SUPT3H: variants seen among roughly 807,000 people sequenced by gnomAD.
The protein encoded by SUPT3H is transcription initiation protein SPT3 homolog.
SUPT3H carries 44 observed loss-of-function variants against 44.3 expected under a neutral mutation model. That is an observed-to-expected ratio of 0.99 (90% CI 0.78 to 1.28). SUPT3H has a LOEUF of 1.28. Among genes scored for constraint, SUPT3H ranks in the 50% most tolerant of loss-of-function variants. SUPT3H has a pLI of 0.00. For synonymous variants in SUPT3H, 124 were observed against 125.6 expected (o/e 0.99, Z 0.09); for missense variants, 380 against 387.1 (o/e 0.98, Z 0.15).
At chr6:45,132,859 GTATTA>G (rs1294506888) in intron 2 of SUPT3H, among the ~76,000 whole-genome samples, 1 of 152,020 alleles carries the variant, frequency 6.6e-6, no homozygotes, top group Non-Finnish European at 1.5e-5. Context: ...ACATAAAATG[GTATTA>G]TTATCACCCC....
chr6:44,906,136 C>T (rs142243292), intron 10 of SUPT3H, among the ~76,000 whole-genome samples: 62 of 152,272 alleles, frequency 4.1e-4, no homozygotes, highest in African/African-American at 1.4e-3. Flanking sequence ...AACTAACCTG[C>T]ACATTGTGCA....
intron 3 of SUPT3H, among the ~76,000 whole-genome samples, chr6:45,089,302 T>C (rs758922733): frequency 1.5e-4 from 23 of 152,214 alleles, no homozygotes; most frequent in Non-Finnish European, 2.8e-4. Context: ...ATATGTTACA[T>C]TTCTTATTTC....
At chr6:44,877,946 G>A (rs1336784262) in intron 10 of SUPT3H, among the ~76,000 whole-genome samples, 2 of 152,120 alleles carry the variant, frequency 1.3e-5, no homozygotes, top group African/African-American at 4.8e-5. Context: ...ACCTGATCCT[G>A]TTTGTAAATT....
intron 2 of SUPT3H, among the ~76,000 whole-genome samples, chr6:45,254,641 G>A (rs1397278407): frequency 2.6e-5 from 4 of 152,074 alleles, no homozygotes; most frequent in Admixed American, 2.0e-4. Flanking sequence ...AACAGAAAAC[G>A]CTGAATCACA....
At chr6:45,219,384 G>A (rs914139591) in intron 2 of SUPT3H, among the ~76,000 whole-genome samples, 3 of 150,200 alleles carry the variant, frequency 2.0e-5, no homozygotes, top group African/African-American at 7.3e-5. Flanking sequence ...CAAACGCCAG[G>A]AATGAAAAAC....
At chr6:44,810,119 C>A (rs1394121793) in intron 11 of SUPT3H, among the ~76,000 whole-genome samples, 1 of 152,100 alleles carries the variant, frequency 6.6e-6, no homozygotes, top group Non-Finnish European at 1.5e-5. Context: ...CATCTAAATG[C>A]CTGACTCCAG....
intron 2 of SUPT3H, among the ~76,000 whole-genome samples, chr6:45,309,700 C>A (rs566372887): frequency 6.6e-6 from 1 of 151,920 alleles, no homozygotes; most frequent in East Asian, 1.9e-4. Flanking sequence ...TATATTATAA[C>A]CAAACTGTCA....
At chr6:44,819,434 C>T (rs943039717) in intron 11 of SUPT3H, among the ~76,000 whole-genome samples, 2 of 151,214 alleles carry the variant, frequency 1.3e-5, no homozygotes, top group African/African-American at 4.9e-5. Flanking sequence ...CTAAATTGTG[C>T]TGTACATATA....
At chr6:44,881,312 G>A (rs1256150419) in intron 10 of SUPT3H, among the ~76,000 whole-genome samples, 1 of 152,146 alleles carries the variant, frequency 6.6e-6, no homozygotes, top group African/African-American at 2.4e-5. Context: ...TAATGGTAAA[G>A]GGATCAATGC....
intron 10 of SUPT3H, among the ~76,000 whole-genome samples, chr6:44,878,716 T>C (rs1777706862): frequency 6.6e-6 from 1 of 152,090 alleles, no homozygotes; most frequent in Admixed American, 6.5e-5. Context: ...CATTTCCAGC[T>C]GAGGTACCCA....
intron 3 of SUPT3H, among the ~76,000 whole-genome samples, chr6:45,084,583 G>C (rs1419014976): frequency 6.6e-6 from 1 of 152,122 alleles, no homozygotes; most frequent in African/African-American, 2.4e-5. Flanking sequence ...TAAAACAGAA[G>C]TATCATCTGA....
chr6:44,962,842 C>T (rs1483505184), intron 6 of SUPT3H, among the ~76,000 whole-genome samples: 3 of 151,836 alleles, frequency 2.0e-5, no homozygotes, highest in Non-Finnish European at 1.5e-5. Context: ...TAGTCACTAC[C>T]GTGGTTCCTT....
At chr6:45,283,275 A>G (rs1778530614) in intron 2 of SUPT3H, among the ~76,000 whole-genome samples, 1 of 152,234 alleles carries the variant, frequency 6.6e-6, no homozygotes, top group Non-Finnish European at 1.5e-5. Flanking sequence ...GCTCCAATTA[A>G]AAGACACACA....
intron 2 of SUPT3H, among the ~76,000 whole-genome samples, chr6:45,308,670 A>G (rs939068369): frequency 1.3e-5 from 2 of 152,110 alleles, no homozygotes; most frequent in Admixed American, 6.5e-5. Context: ...GCAGTACACC[A>G]ACATGGCACA....
At chr6:44,968,431 G>A (rs1450185489) in intron 6 of SUPT3H, among the ~76,000 whole-genome samples, 2 of 152,152 alleles carry the variant, frequency 1.3e-5, no homozygotes, top group Non-Finnish European at 2.9e-5. Flanking sequence ...TAAAGAAGCT[G>A]AGGTCCAGAA....
chr6:45,022,820 C>T (rs1334160187), intron 3 of SUPT3H, among the ~76,000 whole-genome samples: 1 of 152,034 alleles, frequency 6.6e-6, no homozygotes, highest in East Asian at 1.9e-4. Flanking sequence ...CCAAAATACT[C>T]AAGTCCTGCA....
At chr6:45,231,772 C>T (rs1768103641) in intron 2 of SUPT3H, among the ~76,000 whole-genome samples, 1 of 152,158 alleles carries the variant, frequency 6.6e-6, no homozygotes, top group African/African-American at 2.4e-5. Context: ...ATCATGAACA[C>T]TTTGTTCATC....
At chr6:45,212,969 C>T (rs1764381727) in intron 2 of SUPT3H, among the ~76,000 whole-genome samples, 1 of 152,110 alleles carries the variant, frequency 6.6e-6, no homozygotes, top group African/African-American at 2.4e-5. Flanking sequence ...CAAAACATGC[C>T]ACAATCAGCA....
chr6:44,815,833 A>C (rs768167893), intron 11 of SUPT3H, among the ~76,000 whole-genome samples: 2 of 151,868 alleles, frequency 1.3e-5, no homozygotes, highest in Non-Finnish European at 2.9e-5. Context: ...TGCAAAAGTA[A>C]TCATGGTTTT....
Sources: gnomAD v4.1 joint callset for allele counts (sites outside exome capture counted in the v4.1 genomes callset) on GRCh38, gnomAD v4.1.1 for gene constraint, MANE v1.5 for transcripts, NCBI Gene and HGNC (gene_info 2026-07-23, HGNC 2026-07-21) for gene names.